SLC39A9: variants seen among roughly 807,000 people sequenced by gnomAD.
The protein encoded by SLC39A9 is zinc transporter ZIP9.
In SLC39A9, 14 loss-of-function variants were observed where a neutral mutation model predicts 28.4. The ratio of observed to expected loss-of-function variants is 0.49; its 90% CI spans 0.33 to 0.77. The LOEUF is 0.77. SLC39A9 is among the 30% of genes least tolerant of loss of function. The pLI, the probability that SLC39A9 is intolerant of heterozygous loss-of-function variation, is 0.02. For synonymous variants in SLC39A9, 119 were observed against 149.6 expected (o/e 0.80, Z 1.49); for missense variants, 283 against 381.1 (o/e 0.74, Z 2.14).
At chr14:69,439,207 A>G (rs1027702743) in intron 2 of SLC39A9, among the ~76,000 whole-genome samples, 16 of 152,348 alleles carry the variant, frequency 1.1e-4, no homozygotes, top group African/African-American at 3.8e-4. Context: ...GGGGAGGGAA[A>G]GCATTAGGAG....
intron 2 of SLC39A9, among the ~76,000 whole-genome samples, chr14:69,436,228 A>G (rs1447958932): frequency 1.3e-5 from 2 of 151,904 alleles, no homozygotes; most frequent in Admixed American, 1.3e-4. Context: ...ACATAGCAAG[A>G]CCCTGTCTCT....
intron 1 of SLC39A9, among the ~76,000 whole-genome samples, chr14:69,409,593 G>A (rs1274769964): frequency 6.6e-6 from 1 of 152,118 alleles, no homozygotes; most frequent in African/African-American, 2.4e-5. Flanking sequence ...GTCTTGTCTT[G>A]GCCTCCCAAA....
At chr14:69,440,208 C>A (rs1884974937) in intron 2 of SLC39A9, among the ~76,000 whole-genome samples, 1 of 152,144 alleles carries the variant, frequency 6.6e-6, no homozygotes, top group African/African-American at 2.4e-5. Context: ...ACCACTTGAA[C>A]CCTGGAGGCA....
At chr14:69,423,431 G>A (rs1190302840) in intron 1 of SLC39A9, among the ~76,000 whole-genome samples, 1 of 152,150 alleles carries the variant, frequency 6.6e-6, no homozygotes, top group Non-Finnish European at 1.5e-5. Context: ...ATTTCTAGAA[G>A]TAAAATTTCT....
intron 5 of SLC39A9, among the ~76,000 whole-genome samples, chr14:69,455,309 T>C (rs1885805315): frequency 1.3e-5 from 2 of 152,246 alleles, no homozygotes; most frequent in South Asian, 4.1e-4. Flanking sequence ...TTTTGGTTTT[T>C]TTTGTGTGTG....
intron 3 of SLC39A9, among the ~76,000 whole-genome samples, chr14:69,449,418 A>C (rs1045318574): frequency 2.0e-5 from 3 of 152,144 alleles, no homozygotes; most frequent in African/African-American, 7.2e-5. Flanking sequence ...TCAGCCCAGG[A>C]GTTTGAGACC....
chr14:69,416,924 C>G (rs1356234571), intron 1 of SLC39A9, among the ~76,000 whole-genome samples: 1 of 152,142 alleles, frequency 6.6e-6, no homozygotes, highest in Non-Finnish European at 1.5e-5. Context: ...TGTAGGTTGC[C>G]TGTTCACTCT....
chr14:69,441,763 T>C, intron 2 of SLC39A9: 28 of 1,055,114 alleles, frequency 2.7e-5, no homozygotes, highest in Non-Finnish European at 3.2e-5. Context: ...GATAAAGGAA[T>C]ATTTGGGGAT....
intron 1 of SLC39A9, among the ~76,000 whole-genome samples, chr14:69,411,641 G>A (rs1412009604): frequency 2.0e-5 from 3 of 152,118 alleles, no homozygotes; most frequent in African/African-American, 7.2e-5. Flanking sequence ...GAACCTGTCA[G>A]CATTTTGTTA....
rs1216120438 is a variant in SLC39A9 at position 69,457,364 on chromosome 14, G to A, written c.694-999G>A. 1.1e-4 allele frequency among the ~76,000 whole-genome samples: 16 copies of A among 151,920 alleles called. 1 individual carries two copies. Among genetic ancestry groups the A allele is most frequent in the Admixed American group, 9.9e-4 (15 of 15,222 alleles). ...ATTACAGGCGCCCGCCACCATGCCC[G>A]GCTAATTTTTGTATTTTTAGTAGAG... is the stretch of plus-strand genomic sequence containing the variant. On this transcript the variant is annotated intron_variant, in intron 6 of 6. Transcript: ENST00000336643.
chr14:69,422,131 A>G (rs1883934400), intron 1 of SLC39A9, among the ~76,000 whole-genome samples: 1 of 152,220 alleles, frequency 6.6e-6, no homozygotes, highest in Non-Finnish European at 1.5e-5. Context: ...CTATTCGGCC[A>G]TCTTGGAATG....
chr14:69,424,995 T>C (rs1188235881), intron 2 of SLC39A9, among the ~76,000 whole-genome samples: 1 of 152,206 alleles, frequency 6.6e-6, no homozygotes, highest in Non-Finnish European at 1.5e-5. Context: ...AACTGTGTCC[T>C]TTATCCAGAA....
At position 69,460,804 on chromosome 14, in the gene SLC39A9, G is replaced by A. The variant is rs1231078837; in HGVS notation, c.*2211G>A. On this transcript the variant is annotated 3_prime_UTR_variant, in exon 7 of 7. Coordinates refer to ENST00000336643, the MANE Select transcript of SLC39A9 (RefSeq NM_018375.5). Reference sequence around the variant, plus strand: ...TCTTAGCTCTCAGAAGCTATGTATGGGCTTTCCCAGATTTTAAAGCTGCTG... The same window carrying A: ...TCTTAGCTCTCAGAAGCTATGTATGAGCTTTCCCAGATTTTAAAGCTGCTG... 7.1e-6 allele frequency: 7 copies of A among 985,262 alleles called. No individual in the cohort carries two copies. The highest frequency in any genetic ancestry group is 1.2e-4 in the Admixed American group (2 of 16,250). 61.0% of individuals were successfully genotyped at this position (985,262 alleles called of 1,614,324 possible).
chr14:69,406,335 G>T (rs1400036835), intron 1 of SLC39A9, among the ~76,000 whole-genome samples: 5 of 152,174 alleles, frequency 3.3e-5, no homozygotes, highest in Non-Finnish European at 5.9e-5. Flanking sequence ...TATCCAAGAT[G>T]AATTTCACAC....
chr14:69,458,769 A>C lies in SLC39A9; in HGVS notation c.*176A>C, dbSNP rs1402246111. The C allele has an allele frequency of 2.9e-6, 4 of 1,370,948 alleles. No homozygotes were observed. In the South Asian group the frequency reaches 6.1e-5, roughly 21 times the overall value. The allele number at this position is 1,370,948 out of a possible 1,614,324, so 84.9% of individuals were successfully genotyped here. ...TGAGTAATGGAAAAGCTTTTAGAGT[A>C]GAAACACATTTACGTTGCAGTTAGC... On this transcript the variant is annotated 3_prime_UTR_variant, in exon 7 of 7. Transcript: ENST00000336643.
intron 2 of SLC39A9, among the ~76,000 whole-genome samples, chr14:69,437,844 C>A (rs1469544058): frequency 6.6e-6 from 1 of 151,828 alleles, no homozygotes; most frequent in Non-Finnish European, 1.5e-5. Flanking sequence ...CCTCAACCTC[C>A]CAAAGTGCTG....
intron 1 of SLC39A9, among the ~76,000 whole-genome samples, chr14:69,401,295 C>G (rs1882619482): frequency 6.6e-6 from 1 of 152,140 alleles, no homozygotes; most frequent in Non-Finnish European, 1.5e-5. Context: ...CCTCCTTGCC[C>G]TTGAAGCCTG....
At chr14:69,410,427 A>G (rs1332503416) in intron 1 of SLC39A9, among the ~76,000 whole-genome samples, 1 of 152,098 alleles carries the variant, frequency 6.6e-6, no homozygotes, top group Non-Finnish European at 1.5e-5. Context: ...AAGTGCACTA[A>G]TATATCCTGC....
intron 1 of SLC39A9, among the ~76,000 whole-genome samples, chr14:69,412,513 A>G (rs970659474): frequency 1.3e-4 from 20 of 152,200 alleles, no homozygotes; most frequent in Non-Finnish European, 2.2e-4. Context: ...TATAGTTACA[A>G]GGAATATATG....
Sources: gnomAD v4.1 joint callset for allele counts (sites outside exome capture counted in the v4.1 genomes callset) on GRCh38, gnomAD v4.1.1 for gene constraint, MANE v1.5 for transcripts, NCBI Gene and HGNC (gene_info 2026-07-23, HGNC 2026-07-21) for gene names.